Variants in ZNF534 observed in about 807,000 individuals in gnomAD.
The protein encoded by ZNF534 is zinc finger protein 534, also known as KRAB domain only 3.
A neutral mutation model predicts 13.6 loss-of-function variants in ZNF534; 19 were observed. The observed-to-expected ratio is 1.40, with a 90% CI of 0.97 to 2.05. ZNF534 has a LOEUF of 2.05. Ranked by LOEUF, ZNF534 falls within the 30% of genes most tolerant of loss-of-function variation. The pLI is 0.00. For missense variants in ZNF534, 782 were observed against 796.3 expected (o/e 0.98, Z 0.22); for synonymous variants, 244 against 273.8 (o/e 0.89, Z 1.07).
Position 52,451,931 on chromosome 19 carries a change from C to G in ZNF534, c.*434C>G. ...GGGGATCAGGAGGTTTTGGCTCTAC[C>G]GGAAAGAATTAAAATTTATGCCAAG... On this transcript the variant is annotated 3_prime_UTR_variant, in exon 5 of 5. Transcript: ENST00000301085. 9.1e-6 allele frequency: 4 copies of G among 438,128 alleles called. No individual in the cohort carries two copies. The South Asian group carries it at 9.9e-5, about 11-fold the overall frequency. 27.1% of individuals were successfully genotyped at this position (438,128 alleles called of 1,614,324 possible).
downstream of ZNF534, among the ~76,000 whole-genome samples, chr19:52,443,078 C>A (rs2059182247): frequency 6.6e-6 from 1 of 152,232 alleles, no homozygotes; most frequent in South Asian, 2.1e-4. Context: ...GGGGTGGTCA[C>A]CTCCTCAATT....
chr19:52,441,129 C>A lies in ZNF534; in HGVS notation c.*1683C>A, dbSNP rs1185855865. On this transcript the variant is annotated 3_prime_UTR_variant, in exon 5 of 5. Transcript: ENST00000433050. ...CCATGTTAGCCAGGCTGGTCTCGATCTCCTGACCTTGTGATCCATCTGCCT... is the reference window on the plus strand; with the variant it reads ...CCATGTTAGCCAGGCTGGTCTCGATATCCTGACCTTGTGATCCATCTGCCT... Among the ~76,000 whole-genome samples the A allele has an allele frequency of 6.6e-6, 1 of 152,186 alleles. No homozygotes were observed. Among genetic ancestry groups the A allele is most frequent in the African/African-American group, 2.4e-5 (1 of 41,454 alleles).
At chr19:52,435,933 C>CTTTTTTTTTTTTTT (rs1289517628) in intron 4 of ZNF534, among the ~76,000 whole-genome samples, 2 of 17,562 alleles carry the variant, frequency 1.1e-4, no homozygotes, top group Admixed American at 1.2e-3. Flanking sequence ...TATTTTTCTT[C>CTTTTTTTTTTTTTT]TTCTTCTTTT....
chr19:52,449,439 A>AGG, intron 4 of ZNF534, among the ~76,000 whole-genome samples: 1 of 151,788 alleles, frequency 6.6e-6, no homozygotes, highest in Non-Finnish European at 1.5e-5. Context: ...AGTTTATTGA[A>AGG]GAACATCCAT....
intron 2 of ZNF534, among the ~76,000 whole-genome samples, chr19:52,432,038 T>C (rs1432973544): frequency 6.6e-6 from 1 of 151,874 alleles, no homozygotes; most frequent in East Asian, 1.9e-4. Context: ...ATAGTTTTTA[T>C]AAATAGCATG....
intron 4 of ZNF534, among the ~76,000 whole-genome samples, chr19:52,450,973 AC>A: frequency 6.6e-6 from 1 of 152,092 alleles, no homozygotes; most frequent in South Asian, 2.1e-4. Context: ...GGCACAAGCC[AC>A]CTCACCCAGC....
In ZNF534 at chr19:52,441,510, A is replaced by G. The variant is rs1010059536; in HGVS notation, c.*2064A>G. On this transcript the variant is annotated 3_prime_UTR_variant, in exon 5 of 5. Coordinates refer to ENST00000433050, the MANE Select transcript of ZNF534 (RefSeq NM_001143938.3). ...AGCCTGGGTGACAGAGTGAGACCCT[A>G]TCTACAAATATAAACAAACAATGTG... 1.3e-5 allele frequency among the ~76,000 whole-genome samples: 2 copies of G among 152,108 alleles called. No homozygotes were observed. Among genetic ancestry groups the G allele is most frequent in the African/African-American group, 4.8e-5 (2 of 41,390 alleles).
At chr19:52,447,514 T>C (rs2059198581) in intron 4 of ZNF534, among the ~76,000 whole-genome samples, 1 of 152,196 alleles carries the variant, frequency 6.6e-6, no homozygotes, top group Non-Finnish European at 1.5e-5. Context: ...TTCCCTAAGG[T>C]ATGTAGGTGT....
At chr19:52,451,671 C>A in exon 5 of ZNF534, 1 of 664,478 alleles carries the variant, frequency 1.5e-6, no homozygotes, top group Non-Finnish European at 2.7e-6. Flanking sequence ...ACAGCGCTTC[C>A]TTCTGGATGT....
rs2059069344 is a variant in ZNF534 at position 52,429,165 on chromosome 19, T to A, written c.-147T>A. ...TTTCCTGCAGACCCGGAAGTCGAGA[T>A]CATGGAGTGAACGTTTCGCGCGCTT... On this transcript the variant is annotated 5_prime_UTR_variant, in exon 1 of 5. Coordinates refer to ENST00000433050, the MANE Select transcript of ZNF534 (RefSeq NM_001143938.3). The A allele has an allele frequency of 6.6e-6, 1 of 152,158 alleles. No individual in the cohort carries two copies. Among genetic ancestry groups the A allele is most frequent in the African/African-American group, 2.4e-5 (1 of 41,422 alleles). The allele number at this position is 152,158 out of a possible 1,614,324, so 9.4% of individuals were successfully genotyped here.
chr19:52,452,040 C>G (rs2059219574), exon 5 of ZNF534: 1 of 202,076 alleles, frequency 4.9e-6, no homozygotes, highest in Non-Finnish European at 1.1e-5. Flanking sequence ...CTTCTGTAAA[C>G]TTACTAGCTT....
At position 52,438,649 on chromosome 19, in the gene ZNF534, CT is replaced by C; in HGVS notation, c.1191del (p.Ala398HisfsTer33). 13 of 1,585,362 alleles carry C rather than the reference CT, an allele frequency of 8.2e-6. No individual in the cohort carries two copies. Among genetic ancestry groups the C allele is most frequent in the Non-Finnish European group, 1.1e-5 (13 of 1,164,794 alleles). On this transcript the variant is annotated frameshift_variant, in exon 5 of 5. Coordinates refer to ENST00000433050, the MANE Select transcript of ZNF534 (RefSeq NM_001143938.3). LOFTEE classifies it low-confidence loss of function (END_TRUNC). ...CGKVFIGNSR[L>X]ARHRKIHTGG... is the part of the protein sequence containing the mutation. ...CAAGGTCTTTATTGGCAATTCACGC[CT>C]TGCACGACATAGGAAAATTCATACT...
At position 52,433,337 on chromosome 19, in the gene ZNF534, G is replaced by A. The variant is rs1275811025; in HGVS notation, c.16-618G>A. On this transcript the variant is annotated intron_variant, in intron 2 of 4. Coordinates refer to ENST00000433050, the MANE Select transcript of ZNF534 (RefSeq NM_001143938.3). Reference sequence around the variant, plus strand: ...AGGTAGATACTAAATGTCACTTGATGTGTCAAAAATAAAACCTAACATTTC... The same window carrying A: ...AGGTAGATACTAAATGTCACTTGATATGTCAAAAATAAAACCTAACATTTC... Among the ~76,000 whole-genome samples the A allele has an allele frequency of 6.8e-5, 10 of 148,118 alleles. 1 individual carries two copies. The highest frequency in any genetic ancestry group is 1.5e-4 in the Non-Finnish European group (10 of 67,290).
chr19:52,435,330 G>C, intron 4 of ZNF534, 121 bp downstream of exon 4: 1 of 1,151,750 alleles, frequency 8.7e-7, no homozygotes, highest in South Asian at 2.1e-5. Flanking sequence ...TTAAACTCCT[G>C]GACTTAAGGG....
chr19:52,434,061 A>C lies in ZNF534; in HGVS notation c.122A>C (p.Tyr41Ser). ...TACAGGGACGTGATGTTAGAGAACT[A>C]CAGGAACCTGGTCTCCCTAGGTGAG... ...ALYRDVMLENYRNLVSLGICL... is the reference protein window; with the variant it reads ...ALYRDVMLENSRNLVSLGICL... The change falls in exon 3 of 5, where the codon TAC becomes TCC. Residue 41 changes from tyrosine to serine, a missense_variant. Coordinates refer to ENST00000433050, the MANE Select transcript of ZNF534 (RefSeq NM_001143938.3). 8 of 1,614,162 alleles carry C rather than the reference A, an allele frequency of 5.0e-6. No individual in the cohort carries two copies. The South Asian group carries it at 8.8e-5, about 18-fold the overall frequency.
At position 52,438,260 on chromosome 19, in the gene ZNF534, A is replaced by C; in HGVS notation, c.800A>C (p.Gln267Pro). The C allele has an allele frequency of 6.2e-7, 1 of 1,605,706 alleles. No individual in the cohort carries two copies. The highest frequency in any genetic ancestry group is 2.2e-5 in the East Asian group (1 of 44,664). Residue 267 changes from glutamine (Q) to proline (P), a missense_variant, in exon 5 of 5, where the codon CAG (glutamine) becomes CCG (proline). By Grantham distance (76) the Gln-to-Pro change is moderately conservative. Around this residue, in one of 5 missense-constraint regions of ZNF534, gnomAD observed 591 missense variants for 574.0 expected, o/e 1.03. Transcript: ENST00000433050. ...LAQHQKIHTG[Q>P]KPYNNKECGK... is the part of the protein sequence containing the mutation. ...CAACATCAGAAAATTCATACTGGAC[A>C]GAAACCTTACAATAACAAAGAATGT...
At chr19:52,436,659 C>G (rs2059130852) in intron 4 of ZNF534, among the ~76,000 whole-genome samples, 1 of 152,122 alleles carries the variant, frequency 6.6e-6, no homozygotes, top group Admixed American at 6.6e-5. Context: ...GTCTTTGGAA[C>G]TGATACTTTT....
At position 52,439,401 on chromosome 19, in the gene ZNF534, C is replaced by T. The variant is rs1231768368; in HGVS notation, c.1941C>T (p.Ser647=). 3 of 1,547,762 alleles carry T rather than the reference C, an allele frequency of 1.9e-6. No individual in the cohort carries two copies. The highest frequency in any genetic ancestry group is 2.0e-5 in the Admixed American group (1 of 50,700). ...GTGGCAAGGTCTTTAGTAAAAATTC[C>T]ATCCTAGTACAACATTGCAGTATTC... The part of the protein sequence containing the change: ...NECGKVFSKN[S]ILVQHCSIHT... Residue 647 remains serine, a synonymous_variant, in exon 5 of 5, where the codon TCC becomes TCT. Transcript: ENST00000433050.
chr19:52,451,305 GC>G lies in ZNF534; in HGVS notation c.394del (p.Leu132SerfsTer128). 8.9e-7 allele frequency: 1 copy of G among 1,129,556 alleles called. No individual in the cohort carries two copies. Among genetic ancestry groups the G allele is most frequent in the Non-Finnish European group, 1.3e-6 (1 of 759,534 alleles). 70.0% of individuals were successfully genotyped at this position (1,129,556 alleles called of 1,614,324 possible). On this transcript the variant is annotated frameshift_variant, in exon 5 of 5. Coordinates refer to the ZNF534 transcript ENST00000301085. LOFTEE classifies it low-confidence loss of function (END_TRUNC). ...TGGGAAATGACTCCCCTCTGCCCTC[GC>G]CCCTCGCTCTGCTACCATTTCCTTC...
Sources: gnomAD v4.1 joint callset for allele counts (sites outside exome capture counted in the v4.1 genomes callset) on GRCh38, gnomAD v4.1.1 for gene constraint, gnomAD v4.1.1 regional missense constraint, MANE v1.5 for transcripts, NCBI Gene and HGNC (gene_info 2026-07-23, HGNC 2026-07-21) for gene names.